ANTXR2: variants seen among roughly 807,000 people sequenced by gnomAD.
ANTXR2 encodes anthrax toxin receptor 2.
A neutral mutation model predicts 73.7 loss-of-function variants in ANTXR2; 44 were observed. The observed-to-expected ratio is 0.60, with a 90% CI of 0.47 to 0.77. ANTXR2 has a LOEUF of 0.77. Among genes scored for constraint, ANTXR2 ranks in the 30% least tolerant of loss-of-function variants. ANTXR2 has a pLI of 0.00. For synonymous variants in ANTXR2, 217 were observed against 205.9 expected, an observed-to-expected ratio of 1.05 and a Z score of -0.46; for missense variants, 604 against 592.5, an observed-to-expected ratio of 1.02 and a Z score of -0.20.
intron 16 of ANTXR2, among the ~76,000 whole-genome samples, chr4:79,912,882 A>C (rs543681280): frequency 9.8e-5 from 15 of 152,310 alleles, no homozygotes; most frequent in African/African-American, 3.6e-4. Context: ...AACTAAAAAT[A>C]TGATATGATT....
chr4:80,009,251 C>T (rs1048232604), intron 11 of ANTXR2, among the ~76,000 whole-genome samples: 4 of 152,092 alleles, frequency 2.6e-5, no homozygotes, highest in African/African-American at 9.7e-5. Context: ...CCTTAAGGCA[C>T]CTACTCTGGG....
chr4:80,026,151 C>T (rs1190425891), intron 10 of ANTXR2, among the ~76,000 whole-genome samples: 2 of 152,076 alleles, frequency 1.3e-5, no homozygotes, highest in Admixed American at 6.6e-5. Flanking sequence ...GTAATCCCCC[C>T]GTGTAAAGGG....
At chr4:79,963,330 A>T (rs1729218080) in intron 16 of ANTXR2, among the ~76,000 whole-genome samples, 1 of 152,176 alleles carries the variant, frequency 6.6e-6, no homozygotes, top group African/African-American at 2.4e-5. Flanking sequence ...GGTCCCTTTT[A>T]AATGAACTTG....
chr4:79,960,446 G>T (rs1359721775), intron 16 of ANTXR2, among the ~76,000 whole-genome samples: 1 of 152,162 alleles, frequency 6.6e-6, no homozygotes, highest in South Asian at 2.1e-4. Flanking sequence ...ATGTATATCA[G>T]AGAATAAAAT....
chr4:80,027,834 A>T (rs901265294), intron 10 of ANTXR2, among the ~76,000 whole-genome samples: 3 of 152,196 alleles, frequency 2.0e-5, no homozygotes, highest in African/African-American at 7.2e-5. Flanking sequence ...AACAAGGGTC[A>T]TAGAATAAGC....
chr4:80,037,805 G>T (rs971383198), intron 7 of ANTXR2, among the ~76,000 whole-genome samples: 3 of 152,206 alleles, frequency 2.0e-5, no homozygotes, highest in South Asian at 2.1e-4. Context: ...AGCTGAAAAG[G>T]TTCCAACTAA....
chr4:79,983,816 T>G, intron 14 of ANTXR2, 62 bp downstream of exon 14: 1 of 1,286,134 alleles, frequency 7.8e-7, no homozygotes, highest in Non-Finnish European at 1.1e-6. Context: ...TTTCTATGGC[T>G]TAATAGCCCT....
chr4:80,023,294 A>G (rs1468475171), intron 10 of ANTXR2, among the ~76,000 whole-genome samples: 1 of 152,178 alleles, frequency 6.6e-6, no homozygotes, highest in Non-Finnish European at 1.5e-5. Context: ...ATCCAACATT[A>G]TAGCTATGTT....
At chr4:79,920,480 G>A (rs891855747) in intron 16 of ANTXR2, among the ~76,000 whole-genome samples, 2 of 152,084 alleles carry the variant, frequency 1.3e-5, no homozygotes, top group Non-Finnish European at 2.9e-5. Context: ...AGGCAAATCT[G>A]AATCAGAGTA....
chr4:80,072,458 C>T lies in ANTXR2; in HGVS notation c.103G>A (p.Glu35Lys). The T allele has an allele frequency of 1.9e-6, 3 of 1,609,488 alleles. No individual in the cohort carries two copies. The highest frequency in any genetic ancestry group is 2.5e-6 in the Non-Finnish European group (3 of 1,178,094). ...SGPGGLLRAQ[E>K]QPSCRRAFDL... Reference sequence around the variant, plus strand: ...AAGGCTCTTCTGCAGGAGGGCTGCTCCTGGGCGCGCAGCAGCCCCCCGGGA... The same window carrying T: ...AAGGCTCTTCTGCAGGAGGGCTGCTTCTGGGCGCGCAGCAGCCCCCCGGGA... The change falls in exon 1 of 17, where the codon GAG (glutamate) becomes AAG (lysine). Residue 35 changes from glutamate to lysine, a missense_variant. By Grantham distance (56) the Glu-to-Lys change is moderately conservative (BLOSUM62 1). Transcript: ENST00000403729.
intron 12 of ANTXR2, among the ~76,000 whole-genome samples, chr4:79,987,238 C>T (rs933459833): frequency 2.1e-5 from 3 of 140,368 alleles, no homozygotes; most frequent in Non-Finnish European, 3.1e-5. Context: ...ACTAATAAAA[C>T]GATAGAAGAG....
chr4:79,956,368 G>T (rs1329355740), intron 16 of ANTXR2, among the ~76,000 whole-genome samples: 1 of 152,074 alleles, frequency 6.6e-6, no homozygotes, highest in African/African-American at 2.4e-5. Flanking sequence ...AAGTCAGTCA[G>T]TTATTGCCTG....
chr4:79,995,610 G>A (rs1459402395), intron 12 of ANTXR2, among the ~76,000 whole-genome samples: 1 of 151,860 alleles, frequency 6.6e-6, no homozygotes, highest in Non-Finnish European at 1.5e-5. Flanking sequence ...ATATTACAAT[G>A]TTTCCACCAG....
At chr4:80,005,992 A>C (rs947800538) in intron 12 of ANTXR2, among the ~76,000 whole-genome samples, 2 of 152,092 alleles carry the variant, frequency 1.3e-5, no homozygotes, top group Non-Finnish European at 2.9e-5. Flanking sequence ...GCACTTCTGA[A>C]AACATGTCAG....
At chr4:80,017,088 T>C (rs577504739) in intron 11 of ANTXR2, among the ~76,000 whole-genome samples, 40 of 152,338 alleles carry the variant, frequency 2.6e-4, no homozygotes, top group African/African-American at 4.6e-4. Context: ...AAGGTCTTCC[T>C]GTTTCACTCA....
Position 79,905,183 on chromosome 4 carries a change from G to C in ANTXR2, c.*2246C>G, listed in dbSNP as rs1726855654. 6.6e-6 allele frequency: 1 copy of C among 152,158 alleles called. No individual in the cohort carries two copies. The highest frequency in any genetic ancestry group is 2.1e-4 in the South Asian group (1 of 4,828). The allele number at this position is 152,158 out of a possible 1,614,324, so 9.4% of individuals were successfully genotyped here. A position where few individuals can be genotyped will look rare whatever the true frequency, so the allele number is the denominator to read the frequency against. ...TGTTCATGCAGCAAAATGTAAGTAT[G>C]CTACATAATTCTAGAGAAATTTGAA... On this transcript the variant is annotated 3_prime_UTR_variant, in exon 17 of 17. Coordinates refer to ENST00000403729, the MANE Select transcript of ANTXR2 (RefSeq NM_058172.6).
At chr4:80,033,432 T>C in intron 9 of ANTXR2, 40 bp downstream of exon 9, 2 of 1,460,188 alleles carry the variant, frequency 1.4e-6, no homozygotes, top group Non-Finnish European at 1.9e-6. Context: ...TGATGTGCTT[T>C]GCAGAGATTA....
intron 14 of ANTXR2, among the ~76,000 whole-genome samples, chr4:79,979,130 TTTTA>T (rs1243789256): frequency 2.6e-5 from 4 of 152,176 alleles, no homozygotes; most frequent in African/African-American, 9.6e-5. Context: ...CAAATGATTG[TTTTA>T]TTTTTCAATA....
chr4:79,918,768 A>G (rs1727454700), intron 16 of ANTXR2, among the ~76,000 whole-genome samples: 1 of 152,120 alleles, frequency 6.6e-6, no homozygotes, highest in Non-Finnish European at 1.5e-5. Flanking sequence ...AGAATAGTAA[A>G]TATGTGACTA....
Sources: gnomAD v4.1 joint callset for allele counts (sites outside exome capture counted in the v4.1 genomes callset) on GRCh38, gnomAD v4.1.1 for gene constraint, MANE v1.5 for transcripts, NCBI Gene and HGNC (gene_info 2026-07-23, HGNC 2026-07-21) for gene names.